C2CD3: variants seen among roughly 807,000 people sequenced by gnomAD.
C2CD3 encodes the protein C2 domain containing 3 centriole elongation regulator.
A neutral mutation model predicts 234.0 loss-of-function variants in C2CD3; 148 were observed. That is an observed-to-expected ratio of 0.63 (90% CI 0.55 to 0.72). The LOEUF is 0.72. C2CD3 is among the 30% of genes least tolerant of loss of function. The pLI is 0.00. For synonymous variants in C2CD3, 1,000 were observed against 1,035.4 expected (o/e 0.97, Z 0.66); for missense variants, 2,577 against 2,811.5 (o/e 0.92, Z 1.89).
chr11:74,130,596 T>C (rs932470521), intron 7 of C2CD3, among the ~76,000 whole-genome samples: 2 of 152,172 alleles, frequency 1.3e-5, no homozygotes, highest in Non-Finnish European at 2.9e-5. Context: ...GAAAATACTA[T>C]TTGTTGCCCC....
chr11:74,071,465 C>CT (rs1954788545), intron 24 of C2CD3, among the ~76,000 whole-genome samples: 1 of 152,230 alleles, frequency 6.6e-6, no homozygotes, highest in Admixed American at 6.5e-5. Context: ...CCCATTGTCT[C>CT]TTTGAGTATA....
intron 3 of C2CD3, among the ~76,000 whole-genome samples, chr11:74,144,040 C>T (rs1362735384): frequency 6.6e-6 from 1 of 152,072 alleles, no homozygotes; most frequent in African/African-American, 2.4e-5. Flanking sequence ...TCCTTAATAT[C>T]TATGGGTGCT....
At chr11:74,141,698 C>A (rs559194033) in intron 3 of C2CD3, among the ~76,000 whole-genome samples, 35 of 152,092 alleles carry the variant, frequency 2.3e-4, no homozygotes, top group Non-Finnish European at 4.9e-4. Flanking sequence ...TGTGCTACCT[C>A]CCTGAGGAAA....
chr11:74,047,364 C>T (rs1446457429), intron 28 of C2CD3, among the ~76,000 whole-genome samples: 15 of 152,220 alleles, frequency 9.9e-5, no homozygotes, highest in Admixed American at 9.2e-4. Flanking sequence ...TTAGAGATAT[C>T]CTCATCCTAC....
At chr11:74,037,841 C>G in intron 29 of C2CD3, 143 bp from the exon 30 acceptor site, 1 of 656,728 alleles carries the variant, frequency 1.5e-6, no homozygotes, top group Non-Finnish European at 2.7e-6. Flanking sequence ...CCCTCTCTCT[C>G]CAATCCACCA....
At position 74,084,432 on chromosome 11, in the gene C2CD3, T is replaced by TA. The variant is rs58232839; in HGVS notation, c.4000+448dup. Reference sequence around the variant, plus strand: ...ATGTACCCTAGAACTTAAAGTATAATAAAAAAAAAAAAAAGAAAAAGAAAA... The same window carrying TA: ...ATGTACCCTAGAACTTAAAGTATAATAAAAAAAAAAAAAAAGAAAAAGAAAA... On this transcript the variant is annotated intron_variant, in intron 22 of 32. Coordinates refer to ENST00000334126, the MANE Select transcript of C2CD3 (RefSeq NM_001286577.2). 2.5e-3 allele frequency among the ~76,000 whole-genome samples: 333 copies of TA among 134,808 alleles called. 2 individuals are homozygous for TA. The highest frequency in any genetic ancestry group is 9.3e-3 in the South Asian group (40 of 4,318). 88.4% of individuals were successfully genotyped at this position (134,808 alleles called of 152,430 possible).
At chr11:74,073,880 C>G (rs1954912097) in intron 24 of C2CD3, among the ~76,000 whole-genome samples, 1 of 152,108 alleles carries the variant, frequency 6.6e-6, no homozygotes, top group African/African-American at 2.4e-5. Flanking sequence ...TCACGGATCC[C>G]TTGGATGTTT....
chr11:74,034,473 A>G (rs1208715992), intron 30 of C2CD3, 195 bp from the exon 31 acceptor site: 2 of 1,565,982 alleles, frequency 1.3e-6, no homozygotes, highest in African/African-American at 2.7e-5. Context: ...CTAATATCAG[A>G]GGACCAGAAT....
At chr11:74,108,702 A>G (rs1045524381) in intron 12 of C2CD3, among the ~76,000 whole-genome samples, 16 of 152,152 alleles carry the variant, frequency 1.1e-4, no homozygotes, top group African/African-American at 3.9e-4. Context: ...TGGCTCTTTC[A>G]TTAGATTGAG....
intron 3 of C2CD3, among the ~76,000 whole-genome samples, chr11:74,157,921 A>G (rs1265119583): frequency 1.3e-5 from 2 of 152,030 alleles, no homozygotes; most frequent in Admixed American, 6.5e-5. Context: ...AGTGGCATGT[A>G]ACAGTATATG....
intron 32 of C2CD3, among the ~76,000 whole-genome samples, chr11:74,024,437 C>T: frequency 6.6e-6 from 1 of 152,126 alleles, no homozygotes; most frequent in Admixed American, 6.5e-5. Context: ...AGCCAGAAAT[C>T]AGGATGTGAA....
chr11:74,152,366 C>T (rs11604713), intron 3 of C2CD3, among the ~76,000 whole-genome samples: 43,066 of 152,012 alleles, frequency 0.28, 7,110 homozygotes, highest in African/African-American at 0.46. Flanking sequence ...ATTACCTACA[C>T]AGCCCTGAAT....
intron 15 of C2CD3, among the ~76,000 whole-genome samples, chr11:74,099,877 C>G (rs1005504154): frequency 7.1e-6 from 1 of 141,452 alleles, no homozygotes; most frequent in Admixed American, 7.2e-5. Context: ...GCCTGGGCAA[C>G]AGAGTGAGAC....
chr11:74,058,978 G>A (rs1954085450), intron 24 of C2CD3, among the ~76,000 whole-genome samples: 1 of 152,082 alleles, frequency 6.6e-6, no homozygotes, highest in African/African-American at 2.4e-5. Flanking sequence ...AGTTCTTTTG[G>A]ATAGCACTGA....
At chr11:74,129,337 G>A (rs2135531871) in intron 7 of C2CD3, 1 of 171,952 alleles carries the variant, frequency 5.8e-6, no homozygotes, top group Admixed American at 6.4e-5. Context: ...CTGCCGGGCA[G>A]AGGTCTCCTC....
intron 28 of C2CD3, among the ~76,000 whole-genome samples, chr11:74,043,399 T>C (rs1953171360): frequency 1.3e-5 from 2 of 152,374 alleles, no homozygotes; most frequent in South Asian, 2.1e-4. Context: ...TTGACGGGCA[T>C]GAGTTGCTTC....
At chr11:74,040,510 C>T (rs964869649) in intron 29 of C2CD3, among the ~76,000 whole-genome samples, 7 of 151,730 alleles carry the variant, frequency 4.6e-5, no homozygotes, top group African/African-American at 7.3e-5. Context: ...CAATGGCTCA[C>T]GCCTGTAATC....
intron 22 of C2CD3, among the ~76,000 whole-genome samples, chr11:74,081,353 T>C (rs1012615933): frequency 1.3e-5 from 2 of 152,182 alleles, no homozygotes; most frequent in African/African-American, 4.8e-5. Flanking sequence ...ATTTATCCCA[T>C]GTCCTTATTC....
chr11:74,079,578 C>A (rs1200685854), intron 22 of C2CD3, among the ~76,000 whole-genome samples: 1 of 150,732 alleles, frequency 6.6e-6, no homozygotes, highest in Non-Finnish European at 1.5e-5. Flanking sequence ...TCTGCTAGCC[C>A]TTTACAGATA....
Sources: allele counts gnomAD v4.1 joint callset (sites outside exome capture counted in the v4.1 genomes callset), GRCh38; gene constraint gnomAD v4.1.1; transcripts MANE v1.5; gene names NCBI Gene and HGNC (gene_info 2026-07-23, HGNC 2026-07-21).